The following GFRA2 variants were observed in gnomAD, a reference collection of about 807,000 sequenced individuals.
GFRA2 encodes the protein GDNF family receptor alpha-2.
Under a neutral mutation model 48.3 loss-of-function variants are expected in GFRA2, and 17 were observed. That is an observed-to-expected ratio of 0.35 (90% CI 0.24 to 0.53). The LOEUF (loss-of-function observed/expected upper bound fraction) is 0.53, where lower values mean the gene tolerates loss of function less well. GFRA2 is among the 20% of genes least tolerant of loss of function. The pLI is 0.93. For missense variants in GFRA2, 660 were observed against 637.3 expected, an observed-to-expected ratio of 1.04 and a Z score of -0.38; for synonymous variants, 305 against 257.2, an observed-to-expected ratio of 1.19 and a Z score of -1.78.
chr8:21,758,400 G>C (rs1347472263), intron 3 of GFRA2, among the ~76,000 whole-genome samples: 2 of 152,154 alleles, frequency 1.3e-5, no homozygotes, highest in Non-Finnish European at 2.9e-5. Context: ...GCAGAAAGGA[G>C]AGGTTCCCCA....
intron 2 of GFRA2, among the ~76,000 whole-genome samples, chr8:21,782,355 AGCTGTT>A (rs1807036593): frequency 8.4e-6 from 1 of 118,616 alleles, no homozygotes; most frequent in Non-Finnish European, 1.7e-5. Context: ...CTCCTCCTCC[AGCTGTT>A]GCTTCTGCCT....
chr8:21,723,271 A>G (rs1441915568), intron 4 of GFRA2, among the ~76,000 whole-genome samples: 2 of 152,218 alleles, frequency 1.3e-5, no homozygotes, highest in African/African-American at 4.8e-5. Flanking sequence ...AAGCAGGTTC[A>G]GGCATCTGGC....
chr8:21,750,107 A>ACACACACACG lies in GFRA2; in HGVS notation c.794+480_794+481insCGTGTGTGTG, dbSNP rs201515239. ...TGTGTATACACACACACACACACAC[A>ACACACACACG]CACGCACATATATAGGTAGAGACTG... is the stretch of plus-strand genomic sequence containing the variant. On this transcript the variant is annotated intron_variant, in intron 4 of 8. Coordinates refer to ENST00000524240, the MANE Select transcript of GFRA2 (RefSeq NM_001495.5). This position sits in a 1 kb window ranked among gnomAD's most constrained non-coding sequence, Gnocchi z 5.7. Among the ~76,000 whole-genome samples, 20,027 of 150,588 alleles carry ACACACACACG rather than the reference A, an allele frequency of 0.13. 1,453 individuals are homozygous for ACACACACACG. The highest frequency in any genetic ancestry group is 0.23 in the Middle Eastern group (67 of 292).
At position 21,751,684 on chromosome 8, in the gene GFRA2, G is replaced by A. The variant is rs537898777; in HGVS notation, c.440-742C>T. Among the ~76,000 whole-genome samples, 5 of 152,326 alleles carry A rather than the reference G, an allele frequency of 3.3e-5. No individual in the cohort carries two copies. The South Asian group carries it at 1.0e-3, about 32-fold the overall frequency. On this transcript the variant is annotated intron_variant, in intron 3 of 8. Coordinates refer to ENST00000524240, the MANE Select transcript of GFRA2 (RefSeq NM_001495.5). ...CCACACAAGGTCCCGCAAGGTGGTG[G>A]GAAGGACTTGGGGTGAGGAGGTAGG...
chr8:21,752,019 T>A (rs1585296913), intron 3 of GFRA2, among the ~76,000 whole-genome samples: 2 of 152,282 alleles, frequency 1.3e-5, no homozygotes, highest in East Asian at 3.9e-4. Flanking sequence ...GACAAATGGC[T>A]GAACCTCTGC....
At chr8:21,801,925 C>G (rs1312590376) in intron 2 of GFRA2, among the ~76,000 whole-genome samples, 2 of 152,194 alleles carry the variant, frequency 1.3e-5, no homozygotes, top group African/African-American at 4.8e-5. Flanking sequence ...AGAAAGGCAT[C>G]CTTTCTGTCC....
At chr8:21,775,165 C>T in intron 2 of GFRA2, 110 bp from the exon 3 acceptor site, 1 of 680,462 alleles carries the variant, frequency 1.5e-6, no homozygotes. Context: ...CTCGTGCCAC[C>T]CAAAGGATAA....
intron 3 of GFRA2, among the ~76,000 whole-genome samples, chr8:21,773,311 G>C (rs1050616303): frequency 2.7e-4 from 41 of 152,276 alleles, no homozygotes; most frequent in African/African-American, 9.6e-4. Flanking sequence ...ACAGCCCAGC[G>C]CAAGGTGCTC....
chr8:21,727,612 G>A (rs1803941594), intron 4 of GFRA2, among the ~76,000 whole-genome samples: 2 of 152,188 alleles, frequency 1.3e-5, no homozygotes, highest in Admixed American at 1.3e-4. Context: ...CTTTCCCCAA[G>A]GCCAGGCATG....
chr8:21,698,495 C>G (rs1011020387), intron 7 of GFRA2, among the ~76,000 whole-genome samples: 4 of 152,172 alleles, frequency 2.6e-5, no homozygotes, highest in African/African-American at 7.2e-5. Flanking sequence ...CCTCGCTGGT[C>G]TGGCCCAGGC....
intron 4 of GFRA2, among the ~76,000 whole-genome samples, chr8:21,718,198 TGTC>T (rs961609915): frequency 6.6e-6 from 1 of 152,198 alleles, no homozygotes; most frequent in African/African-American, 2.4e-5. Flanking sequence ...CCCATGCTGT[TGTC>T]GTGATAGTGA....
chr8:21,798,488 G>A (rs1392924267), intron 2 of GFRA2, among the ~76,000 whole-genome samples: 1 of 152,200 alleles, frequency 6.6e-6, no homozygotes. Context: ...CTCATGGAAT[G>A]AGCCAGCAAG....
intron 3 of GFRA2, among the ~76,000 whole-genome samples, chr8:21,767,198 C>A (rs1034880730): frequency 4.0e-5 from 6 of 149,512 alleles, no homozygotes; most frequent in Admixed American, 2.0e-4. Flanking sequence ...TCACCGCCTA[C>A]ACATATCCAC....
At chr8:21,765,359 C>A (rs1032775560) in intron 3 of GFRA2, among the ~76,000 whole-genome samples, 14 of 152,094 alleles carry the variant, frequency 9.2e-5, no homozygotes, top group African/African-American at 3.4e-4. Flanking sequence ...GATCCACCCG[C>A]CTCAGCCTTC....
At chr8:21,710,292 G>T (rs1468250181) in intron 4 of GFRA2, among the ~76,000 whole-genome samples, 1 of 152,214 alleles carries the variant, frequency 6.6e-6, no homozygotes, top group Non-Finnish European at 1.5e-5. Flanking sequence ...GCAGGCGCCC[G>T]ATGGAGACAG....
intron 3 of GFRA2, among the ~76,000 whole-genome samples, chr8:21,751,323 C>T (rs943562455): frequency 6.6e-6 from 1 of 152,146 alleles, no homozygotes. Flanking sequence ...AACGAGGGGG[C>T]CCCCGTGCAC....
intron 4 of GFRA2, among the ~76,000 whole-genome samples, chr8:21,747,748 A>G (rs1220196527): frequency 7.4e-6 from 1 of 134,382 alleles, no homozygotes; most frequent in East Asian, 2.2e-4. Flanking sequence ...ACTGCGGTCC[A>G]TCTTCCACCA....
chr8:21,742,124 C>T (rs1227458730), intron 4 of GFRA2, among the ~76,000 whole-genome samples: 1 of 152,092 alleles, frequency 6.6e-6, no homozygotes, highest in Admixed American at 6.5e-5. Context: ...GCCAAACAGG[C>T]TTGATGGAGG....
chr8:21,716,683 C>T (rs1803352937), intron 4 of GFRA2, among the ~76,000 whole-genome samples: 1 of 152,204 alleles, frequency 6.6e-6, no homozygotes, highest in South Asian at 2.1e-4. Flanking sequence ...CGTGATGGGA[C>T]TTTCCCCACT....
Sources: allele counts gnomAD v4.1 joint callset (sites outside exome capture counted in the v4.1 genomes callset), GRCh38; gene constraint gnomAD v4.1.1; non-coding constraint Gnocchi (gnomAD v3.1); transcripts MANE v1.5; gene names NCBI Gene and HGNC (gene_info 2026-07-23, HGNC 2026-07-21).